SAMD5: variants seen among roughly 807,000 people sequenced by gnomAD.
SAMD5 encodes sterile alpha motif domain containing 5.
In SAMD5, 13 loss-of-function variants were observed where a neutral mutation model predicts 11.3. The ratio of observed to expected loss-of-function variants is 1.15; its 90% CI spans 0.75 to 1.83. The LOEUF is 1.83. SAMD5 is among the 40% of genes most tolerant of loss of function. The probability of loss-of-function intolerance (pLI) is 0.00; values close to 1 mark genes in which losing one functional copy is unlikely to be tolerated. For synonymous variants in SAMD5, 129 were observed against 111.3 expected (o/e 1.16, Z -1.00); for missense variants, 255 against 239.1 (o/e 1.07, Z -0.44).
At chr6:147,879,627 A>T in the SAMD5 span, among the ~76,000 whole-genome samples, 1 of 152,206 alleles carries the variant, frequency 6.6e-6, no homozygotes, top group Non-Finnish European at 1.5e-5. Flanking sequence ...AAGAGATCTG[A>T]TCGAAATGCT....
the SAMD5 span, among the ~76,000 whole-genome samples, chr6:147,863,838 CTTTTT>C: frequency 1.1e-5 from 1 of 90,870 alleles, no homozygotes. Flanking sequence ...TTTCTTTCCA[CTTTTT>C]TTTTTTTTTT....
At chr6:147,929,906 C>T in the SAMD5 span, among the ~76,000 whole-genome samples, 1 of 152,148 alleles carries the variant, frequency 6.6e-6, no homozygotes, top group Non-Finnish European at 1.5e-5. Context: ...TAGTTACAAA[C>T]CAGTTTTCAC....
At chr6:147,918,816 G>A in the SAMD5 span, among the ~76,000 whole-genome samples, 4 of 149,806 alleles carry the variant, frequency 2.7e-5, no homozygotes, top group Non-Finnish European at 4.4e-5. Flanking sequence ...TCCTGCCTCA[G>A]CCTCCCGAGT....
intron 1 of SAMD5, among the ~76,000 whole-genome samples, chr6:147,538,854 G>A (rs1234887808): frequency 6.6e-6 from 1 of 151,994 alleles, no homozygotes; most frequent in East Asian, 1.9e-4. Context: ...GAACAAAACG[G>A]CATTAAAGTT....
chr6:147,641,350 T>C (rs144664609), intron 1 of SAMD5, among the ~76,000 whole-genome samples: 2,145 of 152,266 alleles, frequency 0.014, 21 homozygotes, highest in Middle Eastern at 0.034. Flanking sequence ...GGGGGCTTCA[T>C]TGGCTACGGT....
At chr6:147,653,787 A>G (rs1250706927) in intron 1 of SAMD5, among the ~76,000 whole-genome samples, 1 of 152,076 alleles carries the variant, frequency 6.6e-6, no homozygotes, top group Admixed American at 6.5e-5. Context: ...CTGTTTCGAT[A>G]TGAAGCTGCT....
intron 1 of SAMD5, among the ~76,000 whole-genome samples, chr6:147,634,180 G>T (rs1790191036): frequency 6.6e-6 from 1 of 152,148 alleles, no homozygotes; most frequent in African/African-American, 2.4e-5. Context: ...CCTGAGACTG[G>T]GTAACGTATA....
intron 1 of SAMD5, among the ~76,000 whole-genome samples, chr6:147,688,455 G>T (rs1791049400): frequency 6.6e-6 from 1 of 152,166 alleles, no homozygotes; most frequent in Non-Finnish European, 1.5e-5. Flanking sequence ...AAAGGAGATT[G>T]CTTGAATACA....
At chr6:147,737,289 A>G in intron 1 of SAMD5, 1 of 1,194,296 alleles carries the variant, frequency 8.4e-7, no homozygotes, top group Non-Finnish European at 1.1e-6. Flanking sequence ...CACTTAATTA[A>G]ACTTCATTTC....
the SAMD5 span, among the ~76,000 whole-genome samples, chr6:147,904,728 G>C: frequency 3.3e-5 from 5 of 152,056 alleles, no homozygotes; most frequent in African/African-American, 1.2e-4. Context: ...TTTCCCGCTT[G>C]CGGTTGCCAG....
intron 1 of SAMD5, among the ~76,000 whole-genome samples, chr6:147,633,205 GA>G (rs1320181537): frequency 1.3e-5 from 2 of 152,168 alleles, no homozygotes; most frequent in Non-Finnish European, 2.9e-5. Context: ...CAGCATTCCA[GA>G]AGCAAAGTGC....
chr6:147,801,022 A>G, the SAMD5 span, among the ~76,000 whole-genome samples: 2 of 152,148 alleles, frequency 1.3e-5, no homozygotes, highest in East Asian at 1.9e-4. Flanking sequence ...GTATTTTATT[A>G]TATCAGTTAA....
At chr6:147,901,023 A>G in the SAMD5 span, among the ~76,000 whole-genome samples, 13 of 152,200 alleles carry the variant, frequency 8.5e-5, no homozygotes, top group African/African-American at 3.1e-4. Context: ...ATAGCATTAA[A>G]AGCTTAAGAG....
At chr6:147,855,175 C>G in the SAMD5 span, among the ~76,000 whole-genome samples, 3 of 152,026 alleles carry the variant, frequency 2.0e-5, no homozygotes, top group African/African-American at 7.2e-5. Flanking sequence ...AAAATTTGCT[C>G]TAAAGATGGG....
intron 1 of SAMD5, among the ~76,000 whole-genome samples, chr6:147,661,430 C>T (rs1790647144): frequency 6.6e-6 from 1 of 152,072 alleles, no homozygotes; most frequent in Admixed American, 6.5e-5. Flanking sequence ...TCTAAAAGTT[C>T]TCATTAATAT....
At chr6:147,570,323 G>A (rs771898169), downstream of SAMD5, among the ~76,000 whole-genome samples, 6 of 152,136 alleles carry the variant, frequency 3.9e-5, no homozygotes, top group Non-Finnish European at 8.8e-5. Flanking sequence ...AGATGGGATG[G>A]TGGGGGCTGT....
rs1002943853 is a variant in SAMD5 at position 147,567,133 on chromosome 6, G to A, written c.*2677G>A. On this transcript the variant is annotated 3_prime_UTR_variant, in exon 2 of 2. Coordinates refer to ENST00000367474, the MANE Select transcript of SAMD5 (RefSeq NM_001030060.3). Reference sequence around the variant, plus strand: ...TTTCTTTAGTTCATCTTAAAATTTAGGGAGGTAAAAAAAGATTTTATTCAC... The same window carrying A: ...TTTCTTTAGTTCATCTTAAAATTTAAGGAGGTAAAAAAAGATTTTATTCAC... The A allele has an allele frequency of 4.6e-5, 45 of 983,906 alleles. No homozygotes were observed. The highest frequency in any genetic ancestry group is 6.1e-5 in the Admixed American group (1 of 16,266). 60.9% of individuals were successfully genotyped at this position (983,906 alleles called of 1,614,324 possible).
intron 1 of SAMD5, among the ~76,000 whole-genome samples, chr6:147,518,601 G>A (rs1235812178): frequency 1.3e-5 from 2 of 152,204 alleles, no homozygotes; most frequent in Non-Finnish European, 2.9e-5. Flanking sequence ...GGGCCATCCT[G>A]AGGTGAAGAC....
chr6:147,671,248 C>T (rs767023248), intron 1 of SAMD5, among the ~76,000 whole-genome samples: 7 of 152,134 alleles, frequency 4.6e-5, no homozygotes, highest in Non-Finnish European at 8.8e-5. Context: ...CACAGATCAC[C>T]ATAGCAGGTA....
Sources: gnomAD v4.1 joint callset for allele counts (sites outside exome capture counted in the v4.1 genomes callset) on GRCh38, gnomAD v4.1.1 for gene constraint, MANE v1.5 for transcripts, NCBI Gene and HGNC (gene_info 2026-07-23, HGNC 2026-07-21) for gene names.